CPLX2: variants seen among roughly 807,000 people sequenced by gnomAD.
The protein encoded by CPLX2 is complexin-2.
Under a neutral mutation model 16.3 loss-of-function variants are expected in CPLX2, and 5 were observed. The ratio of observed to expected loss-of-function variants is 0.31; its 90% CI spans 0.16 to 0.64. The LOEUF (loss-of-function observed/expected upper bound fraction) is 0.64, where lower values mean the gene tolerates loss of function less well. Among genes scored for constraint, CPLX2 ranks in the 30% least tolerant of loss-of-function variants. The pLI, the probability that CPLX2 is intolerant of heterozygous loss-of-function variation, is 0.79. For synonymous variants in CPLX2, 89 were observed against 73.2 expected (o/e 1.22, Z -1.10); for missense variants, 144 against 181.4 (o/e 0.79, Z 1.18).
At chr5:175,838,914 C>A (rs1377558059) in intron 2 of CPLX2, among the ~76,000 whole-genome samples, 1 of 152,152 alleles carries the variant, frequency 6.6e-6, no homozygotes, top group Non-Finnish European at 1.5e-5. Flanking sequence ...GTTGGGACAC[C>A]AAGATTTAAA....
intron 1 of CPLX2, among the ~76,000 whole-genome samples, chr5:175,806,975 T>C (rs1235474279): frequency 6.6e-6 from 1 of 151,622 alleles, no homozygotes; most frequent in African/African-American, 2.4e-5. Flanking sequence ...CTAGCGGGAG[T>C]GTTAAGGATT....
chr5:175,831,256 C>G (rs140630417), intron 2 of CPLX2, among the ~76,000 whole-genome samples: 1 of 152,196 alleles, frequency 6.6e-6, no homozygotes, highest in Non-Finnish European at 1.5e-5. Context: ...AGAGCATTCG[C>G]TCTCTCCAGC....
chr5:175,841,737 C>T (rs1324168796), intron 2 of CPLX2, among the ~76,000 whole-genome samples: 1 of 152,144 alleles, frequency 6.6e-6, no homozygotes, highest in Non-Finnish European at 1.5e-5. Flanking sequence ...ATCAGATTGG[C>T]ACAGTGGTTA....
In CPLX2 at chr5:175,880,427, G is replaced by A. The variant is rs542505707; in HGVS notation, c.*382G>A. 7.8e-5 allele frequency: 27 copies of A among 345,766 alleles called. No homozygotes were observed. The East Asian group carries it at 2.0e-3, about 26-fold the overall frequency. 21.4% of individuals were successfully genotyped at this position (345,766 alleles called of 1,614,324 possible). On this transcript the variant is annotated 3_prime_UTR_variant, in exon 4 of 4. Transcript: ENST00000393745. ...ACATTCCAGCCCTGCCCAGCATGCT[G>A]ACCTTTGGCCTCTAACCCTCAGTGG...
At chr5:175,803,409 G>A (rs528405163) in intron 1 of CPLX2, among the ~76,000 whole-genome samples, 1 of 152,340 alleles carries the variant, frequency 6.6e-6, no homozygotes, top group South Asian at 2.1e-4. Context: ...GAAAGTAAAA[G>A]AGAGGAGTGT....
chr5:175,812,079 G>A (rs1402429595), intron 2 of CPLX2, among the ~76,000 whole-genome samples: 3 of 152,240 alleles, frequency 2.0e-5, no homozygotes, highest in Non-Finnish European at 2.9e-5. Context: ...GTCCTCCCAT[G>A]GAAGCGAGGG....
intron 1 of CPLX2, chr5:175,808,906 G>T (rs977299967): frequency 6.6e-6 from 1 of 152,286 alleles, no homozygotes; most frequent in African/African-American, 2.4e-5. Context: ...CTTCACTGGG[G>T]TCTGGGGCTC....
intron 2 of CPLX2, among the ~76,000 whole-genome samples, chr5:175,838,778 C>T (rs1276989389): frequency 2.6e-5 from 4 of 152,224 alleles, no homozygotes; most frequent in Non-Finnish European, 5.9e-5. Context: ...CCACCACTCA[C>T]GCAGCCAGTG....
intron 2 of CPLX2, among the ~76,000 whole-genome samples, chr5:175,847,267 C>T (rs373501433): frequency 2.0e-5 from 3 of 152,134 alleles, no homozygotes; most frequent in Non-Finnish European, 4.4e-5. Flanking sequence ...TGGGGGAGTG[C>T]GAGCGGCGCC....
At chr5:175,802,117 G>C (rs1020104427) in intron 1 of CPLX2, among the ~76,000 whole-genome samples, 15 of 152,160 alleles carry the variant, frequency 9.9e-5, no homozygotes, top group Non-Finnish European at 1.0e-4. Context: ...AAATATTTGT[G>C]GGGTACATTG....
chr5:175,807,572 T>A (rs115552164), intron 1 of CPLX2, among the ~76,000 whole-genome samples: 4,435 of 152,356 alleles, frequency 0.029, 81 homozygotes, highest in Middle Eastern at 0.071. Context: ...TTTAATCCAG[T>A]TGCTAGTTTT....
In CPLX2 at chr5:175,851,076, T is replaced by C. The variant is rs547915734; in HGVS notation, c.-88-27576T>C. 9.9e-5 allele frequency among the ~76,000 whole-genome samples: 15 copies of C among 151,968 alleles called. No individual in the cohort carries two copies. In the East Asian group the frequency reaches 2.7e-3, roughly 28 times the overall value. On this transcript the variant is annotated intron_variant, in intron 2 of 4. Transcript: ENST00000359546. ...GTAGAGCCGCTGCCTGAGGTGGTTC[T>C]GGTGGGAGATAAATAAGTGTGGCTC...
At position 175,881,693 on chromosome 5, in the gene CPLX2, C is replaced by T. The variant is rs555479440; in HGVS notation, c.*1648C>T. ...ACAGTTGGCCACCTCCAACGGGAGA[C>T]CTTGTCCTTGGCCTAGAGTCCTCCC... On this transcript the variant is annotated 3_prime_UTR_variant, in exon 4 of 4. Transcript: ENST00000393745. The T allele has an allele frequency of 1.3e-5, 2 of 152,854 alleles. No homozygotes were observed. The highest frequency in any genetic ancestry group is 4.1e-4 in the South Asian group (2 of 4,830). 9.5% of individuals were successfully genotyped at this position (152,854 alleles called of 1,614,324 possible).
At chr5:175,860,351 G>A (rs1759337986) in intron 2 of CPLX2, among the ~76,000 whole-genome samples, 1 of 151,696 alleles carries the variant, frequency 6.6e-6, no homozygotes, top group African/African-American at 2.4e-5. Context: ...GAGCCCAGGA[G>A]GTTTTAGGCG....
At position 175,830,494 on chromosome 5, in the gene CPLX2, G is replaced by C. The variant is rs1253536492; in HGVS notation, c.-89+21426G>C. The stretch of plus-strand genomic sequence containing the variant: ...CGAGGCAGCCCTCCTTTAGGAGGGG[G>C]AGTTTTAGGGGTGAAGCACCCCACC... On this transcript the variant is annotated intron_variant, in intron 2 of 4. Transcript: ENST00000359546. The surrounding 1 kb of genome is among the most constrained non-coding windows in gnomAD (Gnocchi z 4.0). Among the ~76,000 whole-genome samples, 1 of 152,154 alleles carries C rather than the reference G, an allele frequency of 6.6e-6. No homozygotes were observed. Among genetic ancestry groups the C allele is most frequent in the Non-Finnish European group, 1.5e-5 (1 of 68,024 alleles).
chr5:175,868,040 C>T (rs1480024095), upstream of CPLX2, among the ~76,000 whole-genome samples: 1 of 152,222 alleles, frequency 6.6e-6, no homozygotes. Context: ...CAACTCTGCC[C>T]CTCCAGGCTT....
At position 175,824,855 on chromosome 5, in the gene CPLX2, G is replaced by A. The variant is rs118102358; in HGVS notation, c.-89+15787G>A. 5.7e-4 allele frequency among the ~76,000 whole-genome samples: 87 copies of A among 152,292 alleles called. No individual in the cohort carries two copies. In the East Asian group the frequency reaches 0.015, roughly 26 times the overall value. Reference sequence around the variant, plus strand: ...AGGATTCCAGCAGGTGTGTCCAACCGACCGTGAAACTTTTTCCACCTCACT... The same window carrying A: ...AGGATTCCAGCAGGTGTGTCCAACCAACCGTGAAACTTTTTCCACCTCACT... On this transcript the variant is annotated intron_variant, in intron 2 of 4. Coordinates refer to the CPLX2 transcript ENST00000359546.
intron 3 of CPLX2, 52 bp downstream of exon 3, chr5:175,879,135 C>G: frequency 6.6e-7 from 1 of 1,519,328 alleles, no homozygotes; most frequent in Non-Finnish European, 8.9e-7. Context: ...CGGGTAAAAC[C>G]GGTCCAGCTA....
In CPLX2 at chr5:175,873,261, T is replaced by TAC. The variant is rs10610248; in HGVS notation, c.-89+1569_-89+1570dup. 2.2e-3 allele frequency among the ~76,000 whole-genome samples: 326 copies of TAC among 150,442 alleles called. 4 individuals are homozygous for TAC. Among genetic ancestry groups the TAC allele is most frequent in the African/African-American group, 7.6e-3 (309 of 40,822 alleles). On this transcript the variant is annotated intron_variant, in intron 1 of 3. Coordinates refer to ENST00000393745, the MANE Select transcript of CPLX2 (RefSeq NM_001008220.2). ...ACTCCCGCAGGCATATGGCAAAACA[T>TAC]ACACACACACACACCCTGCACACAC...
Sources: allele counts gnomAD v4.1 joint callset (sites outside exome capture counted in the v4.1 genomes callset), GRCh38; gene constraint gnomAD v4.1.1; non-coding constraint Gnocchi (gnomAD v3.1); transcripts MANE v1.5; gene names NCBI Gene and HGNC (gene_info 2026-07-23, HGNC 2026-07-21).